MYH6: variants seen among roughly 807,000 people sequenced by gnomAD.
MYH6 encodes myosin-6.
MYH6 carries 126 observed loss-of-function variants against 223.2 expected under a neutral mutation model. That is an observed-to-expected ratio of 0.56 (90% CI 0.49 to 0.65). MYH6 has a LOEUF of 0.65. Ranked by LOEUF, MYH6 falls within the 30% of genes least tolerant of loss-of-function variation. MYH6 has a pLI of 0.00. For synonymous variants in MYH6, 978 were observed against 1,010.2 expected (o/e 0.97, Z 0.61); for missense variants, 2,040 against 2,536.4 (o/e 0.80, Z 4.20).
intron 7 of MYH6, 119 bp downstream of exon 7, chr14:23,404,592 C>T (rs752184980): frequency 6.0e-5 from 68 of 1,142,376 alleles, no homozygotes; most frequent in South Asian, 3.8e-4. Context: ...GGCTGACCAT[C>T]GGGAGCCCAG....
intron 15 of MYH6, 56 bp downstream of exon 15, chr14:23,398,672 C>G: frequency 6.3e-7 from 1 of 1,590,576 alleles, no homozygotes; most frequent in African/African-American, 1.3e-5. Context: ...CAGCAGGACC[C>G]TGGCCCTTTG....
chr14:23,387,393 T>C, intron 32 of MYH6, 136 bp downstream of exon 32: 1 of 1,392,840 alleles, frequency 7.2e-7, no homozygotes. Flanking sequence ...GGGTAGTGAA[T>C]AGTGGGTAGA....
chr14:23,389,072 G>GT lies in MYH6; in HGVS notation c.3979-18_3979-17insA. ...GTTCTTCGCCTGGGGAGGGGGGGGGGCACCAGGAGGTGGGAGGGACTCCCT... is the reference window on the plus strand; with the variant it reads ...GTTCTTCGCCTGGGGAGGGGGGGGGGTCACCAGGAGGTGGGAGGGACTCCCT... On this transcript the variant is annotated splice_polypyrimidine_tract_variant and intron_variant, in intron 28 of 38. Transcript: ENST00000405093. The GT allele has an allele frequency of 8.8e-7, 1 of 1,135,196 alleles. No homozygotes were observed. Among genetic ancestry groups the GT allele is most frequent in the Non-Finnish European group, 1.3e-6 (1 of 774,176 alleles). 70.3% of individuals were successfully genotyped at this position (1,135,196 alleles called of 1,614,324 possible).
chr14:23,400,119 C>A, intron 14 of MYH6, 137 bp downstream of exon 14: 1 of 1,342,686 alleles, frequency 7.4e-7, no homozygotes, highest in South Asian at 1.2e-5. Context: ...CCCATGACTT[C>A]ACAGTGGGGA....
At position 23,394,418 on chromosome 14, in the gene MYH6, C is replaced by T. The variant is rs533167887; in HGVS notation, c.2430-95G>A. Reference sequence around the variant, plus strand: ...GCAAGTTCGTAGGCACGTAGACTTCCTTCTTGTGCACACCCACCTCCAACA... The same window carrying T: ...GCAAGTTCGTAGGCACGTAGACTTCTTTCTTGTGCACACCCACCTCCAACA... On this transcript the variant is annotated intron_variant, in intron 20 of 38. Coordinates refer to ENST00000405093, the MANE Select transcript of MYH6 (RefSeq NM_002471.4). 4.7e-5 allele frequency: 70 copies of T among 1,500,406 alleles called. No homozygotes were observed. The Admixed American group carries it at 4.8e-4, about 10-fold the overall frequency. The allele number at this position is 1,500,406 out of a possible 1,614,324, so 92.9% of individuals were successfully genotyped here. A position where few individuals can be genotyped will look rare whatever the true frequency, so the allele number is the denominator to read the frequency against.
chr14:23,389,785 G>A, intron 26 of MYH6, 66 bp from the exon 27 acceptor site: 1 of 1,613,090 alleles, frequency 6.2e-7, no homozygotes, highest in Non-Finnish European at 8.5e-7. Flanking sequence ...AAGGAAGAGA[G>A]GGTCAGAGAT....
chr14:23,381,988 T>G lies in MYH6; in HGVS notation c.*52A>C. 1.9e-6 allele frequency: 3 copies of G among 1,613,934 alleles called. No individual in the cohort carries two copies. Among genetic ancestry groups the G allele is most frequent in the East Asian group, 2.2e-5 (1 of 44,860 alleles). ...AAGGACAGATGGGCTCAGGCAGAGT[T>G]TGGCACTCATATTTATTACAGGTTG... On this transcript the variant is annotated 3_prime_UTR_variant, in exon 39 of 39. Coordinates refer to ENST00000405093, the MANE Select transcript of MYH6 (RefSeq NM_002471.4).
At position 23,389,072 on chromosome 14, in the gene MYH6, G is replaced by GGGGGGGGCC; in HGVS notation, c.3979-18_3979-17insGGCCCCCCC. 3 of 1,135,164 alleles carry GGGGGGGGCC rather than the reference G, an allele frequency of 2.6e-6. No homozygotes were observed. The highest frequency in any genetic ancestry group is 3.9e-6 in the Non-Finnish European group (3 of 774,144). The allele number at this position is 1,135,164 out of a possible 1,614,324, so 70.3% of individuals were successfully genotyped here. A position where few individuals can be genotyped will look rare whatever the true frequency, so the allele number is the denominator to read the frequency against. On this transcript the variant is annotated splice_polypyrimidine_tract_variant and intron_variant, in intron 28 of 38. Transcript: ENST00000405093. ...GTTCTTCGCCTGGGGAGGGGGGGGG[G>GGGGGGGGCC]CACCAGGAGGTGGGAGGGACTCCCT...
chr14:23,393,253 G>A, intron 23 of MYH6, 89 bp downstream of exon 23: 1 of 1,554,856 alleles, frequency 6.4e-7, no homozygotes, highest in Non-Finnish European at 8.9e-7. Context: ...GGCCATAGAA[G>A]TTAATTCTAG....
At chr14:23,400,614 C>A in intron 13 of MYH6, 95 bp downstream of exon 13, 5 of 1,603,628 alleles carry the variant, frequency 3.1e-6, no homozygotes, top group East Asian at 2.2e-5. Flanking sequence ...CCACTGCCTT[C>A]CCATGTCTGG....
chr14:23,383,375 C>T (rs1029812550), intron 36 of MYH6, 55 bp from the exon 37 acceptor site: 5 of 1,334,780 alleles, frequency 3.7e-6, no homozygotes, highest in Non-Finnish European at 5.3e-6. Flanking sequence ...ATGCAATCAC[C>T]TTTCCCTCCT....
chr14:23,404,673 C>G (rs748256733), intron 7 of MYH6, 38 bp downstream of exon 7: 56 of 1,588,566 alleles, frequency 3.5e-5, no homozygotes, highest in Non-Finnish European at 4.6e-5. Context: ...GCCTGCCCCC[C>G]AACCCCTGTT....
At chr14:23,384,794 C>G in intron 35 of MYH6, 77 bp from the exon 36 acceptor site, 1 of 1,613,598 alleles carries the variant, frequency 6.2e-7, no homozygotes. Context: ...CTCCTTTCTC[C>G]CATCAGGCCC....
At chr14:23,396,471 C>T (rs1376263939) in intron 19 of MYH6, 51 bp from the exon 20 acceptor site, 4 of 1,606,638 alleles carry the variant, frequency 2.5e-6, no homozygotes, top group Non-Finnish European at 2.5e-6. Context: ...GGGGAGTATC[C>T]AGGGTGGAAG....
chr14:23,405,551 C>A lies in MYH6; in HGVS notation c.345+76G>T. The A allele has an allele frequency of 6.2e-7, 1 of 1,607,364 alleles. No individual in the cohort carries two copies. The highest frequency in any genetic ancestry group is 2.2e-5 in the East Asian group (1 of 44,728). On this transcript the variant is annotated intron_variant, in intron 4 of 38. Transcript: ENST00000405093. The surrounding 1 kb of genome is among the most constrained non-coding windows in gnomAD (Gnocchi z 4.7). ...TCCCTTGGGAGTCTCTCCCCCTCTT[C>A]TTGGGAGAGCCCCCCTGGCTTATTT...
chr14:23,406,188 C>A (rs1448701543), intron 3 of MYH6, among the ~76,000 whole-genome samples: 3 of 152,308 alleles, frequency 2.0e-5, no homozygotes, highest in East Asian at 3.9e-4. Flanking sequence ...CAAACCTTCA[C>A]CCCTGCTGGA....
intron 28 of MYH6, 84 bp downstream of exon 28, chr14:23,389,309 C>T: frequency 6.7e-7 from 1 of 1,485,618 alleles, no homozygotes; most frequent in Non-Finnish European, 9.4e-7. Context: ...GGACTCTTTC[C>T]AGCTCCAGGC....
At chr14:23,382,368 C>G in intron 38 of MYH6, 60 bp downstream of exon 38, 1 of 1,611,062 alleles carries the variant, frequency 6.2e-7, no homozygotes, top group South Asian at 1.1e-5. Context: ...CTGAAGGGCA[C>G]CCATATCAGG....
chr14:23,383,449 G>A (rs780744883), intron 36 of MYH6, 129 bp from the exon 37 acceptor site: 2 of 737,472 alleles, frequency 2.7e-6, no homozygotes, highest in Non-Finnish European at 2.3e-6. Context: ...AGGTCAAAGA[G>A]GTGGTGGGGA....
Sources: allele counts gnomAD v4.1 joint callset (sites outside exome capture counted in the v4.1 genomes callset), GRCh38; gene constraint gnomAD v4.1.1; non-coding constraint Gnocchi (gnomAD v3.1); transcripts MANE v1.5; gene names NCBI Gene and HGNC (gene_info 2026-07-23, HGNC 2026-07-21).